PHF8: variants seen among roughly 807,000 people sequenced by gnomAD.
PHF8 encodes PHD finger protein 8.
A neutral mutation model predicts 74.4 loss-of-function variants in PHF8; 9 were observed. The ratio of observed to expected loss-of-function variants is 0.12; its 90% CI spans 0.07 to 0.21. The LOEUF is 0.21. Among genes scored for constraint, PHF8 ranks in the 10% least tolerant of loss-of-function variants. The pLI is 1.00. For missense variants in PHF8, 478 were observed against 816.6 expected (o/e 0.59, Z 5.05); for synonymous variants, 311 against 316.6 (o/e 0.98, Z 0.19).
chrX:53,971,754 C>G (rs1247985957), intron 18 of PHF8, among the ~76,000 whole-genome samples: 1 of 111,178 alleles, frequency 9.0e-6, no homozygotes, highest in Non-Finnish European at 1.9e-5. Context: ...AATTCTTGGA[C>G]ACATACACCC....
chrX:54,043,064 C>A, intron 1 of PHF8: 2 of 490,729 alleles, frequency 4.1e-6, no homozygotes, highest in Non-Finnish European at 5.7e-6. Flanking sequence ...CCACCTTCTT[C>A]GGCCCCGTTG....
intron 18 of PHF8, among the ~76,000 whole-genome samples, chrX:53,972,467 C>T (rs2065310081): frequency 9.0e-6 from 1 of 111,339 alleles, no homozygotes; most frequent in African/African-American, 3.3e-5. Flanking sequence ...AGGTTGGCTT[C>T]ATCCCTGGGA....
chrX:53,984,381 A>C (rs1344557213), intron 18 of PHF8, among the ~76,000 whole-genome samples: 5 of 111,903 alleles, frequency 4.5e-5, no homozygotes, highest in African/African-American at 1.6e-4. Context: ...AAACAAAACA[A>C]AACAAAACAA....
At chrX:53,960,237 G>A (rs911231012) in intron 19 of PHF8, among the ~76,000 whole-genome samples, 1 of 107,026 alleles carries the variant, frequency 9.3e-6, no homozygotes, top group African/African-American at 3.4e-5. Flanking sequence ...CACCACGCCC[G>A]GCTAAGTTTT....
At chrX:53,980,398 G>C (rs1047169492) in intron 18 of PHF8, among the ~76,000 whole-genome samples, 22 of 111,322 alleles carry the variant, frequency 2.0e-4, no homozygotes, top group Middle Eastern at 4.6e-3. Context: ...TATATGCACA[G>C]AAGTATGACC....
intron 18 of PHF8, among the ~76,000 whole-genome samples, chrX:53,967,578 G>GCC (rs1223271157): frequency 8.8e-6 from 1 of 113,814 alleles, no homozygotes; most frequent in Non-Finnish European, 1.9e-5. Context: ...GAAGTGAGGA[G>GCC]CCCCTCTGCC....
chrX:53,960,424 G>C (rs1274304120), intron 19 of PHF8, among the ~76,000 whole-genome samples: 5 of 109,190 alleles, frequency 4.6e-5, no homozygotes, highest in African/African-American at 1.7e-4. Flanking sequence ...TTGATCAAAA[G>C]CTCAAACAAA....
chrX:54,033,031 G>T (rs185270627), intron 2 of PHF8, among the ~76,000 whole-genome samples: 2 of 111,074 alleles, frequency 1.8e-5, no homozygotes, highest in African/African-American at 6.6e-5. Flanking sequence ...AAAGCAGACC[G>T]ACTAGAGACA....
chrX:53,999,342 A>C (rs2065795036), intron 11 of PHF8: 1 of 121,039 alleles, frequency 8.3e-6, no homozygotes, highest in African/African-American at 3.2e-5. Flanking sequence ...ATAATACAGT[A>C]TACAACACAA....
intron 2 of PHF8, among the ~76,000 whole-genome samples, chrX:54,026,333 G>A (rs868951405): frequency 9.2e-5 from 8 of 87,209 alleles, no homozygotes; most frequent in African/African-American, 3.2e-4. Context: ...TAGCCTGGGC[G>A]ACAAAGCAAG....
chrX:53,985,032 T>C lies in PHF8; in HGVS notation c.2325A>G (p.Pro775=). The C allele has an allele frequency of 8.3e-7, 1 of 1,209,767 alleles. No homozygotes were observed. The highest frequency in any genetic ancestry group is 1.1e-6 in the Non-Finnish European group (1 of 893,722). Residue 775 remains proline (P), a synonymous_variant, in exon 18 of 22, where the codon CCA becomes CCG. Coordinates refer to ENST00000338154, the MANE Select transcript of PHF8 (RefSeq NM_015107.3). Reference sequence around the variant, plus strand: ...CTGGCCGCTTGATGGGCCGCTTCCCTGGGGTGCGCTGGGAAGCAGGACTGT... The same window carrying C: ...CTGGCCGCTTGATGGGCCGCTTCCCCGGGGTGCGCTGGGAAGCAGGACTGT... ...VSNSPASQRT[P]GKRPIKRPAY...
chrX:54,040,866 C>T (rs1302275249), intron 2 of PHF8, among the ~76,000 whole-genome samples: 5 of 112,260 alleles, frequency 4.5e-5, no homozygotes, highest in Non-Finnish European at 7.5e-5. Context: ...ACATCTTAAT[C>T]CCCACTTATT....
In PHF8 at chrX:53,937,345, T is replaced by A. The variant is rs781794076; in HGVS notation, c.*1813A>T. ...TTGAAAGATCAAGAAGGGGTGTTAA[T>A]GGACAAAAGGGCTGGGGACCTGATC... is the stretch of plus-strand genomic sequence containing the variant. On this transcript the variant is annotated 3_prime_UTR_variant, in exon 22 of 22. Coordinates refer to ENST00000338154, the MANE Select transcript of PHF8 (RefSeq NM_015107.3). 8.9e-6 allele frequency: 1 copy of A among 111,744 alleles called. No individual in the cohort carries two copies. Among genetic ancestry groups the A allele is most frequent in the Non-Finnish European group, 1.9e-5 (1 of 53,125 alleles). The allele number at this position is 111,744 out of a possible 1,213,427, so 9.2% of individuals were successfully genotyped here.
rs904451988 is a variant in PHF8 at position 53,937,190 on chromosome X, C to G, written c.*1968G>C. On this transcript the variant is annotated 3_prime_UTR_variant, in exon 22 of 22. Coordinates refer to ENST00000338154, the MANE Select transcript of PHF8 (RefSeq NM_015107.3). ...AACACAAAACAACAAACAGGGGGCT[C>G]TAAGAACCCAACTAAGCTAAATGAA... is the stretch of plus-strand genomic sequence containing the variant. 1 of 111,363 alleles carries G rather than the reference C, an allele frequency of 9.0e-6. No individual in the cohort carries two copies. Among genetic ancestry groups the G allele is most frequent in the South Asian group, 3.9e-4 (1 of 2,583 alleles). The allele number at this position is 111,363 out of a possible 1,213,427, so 9.2% of individuals were successfully genotyped here. A position where few individuals can be genotyped will look rare whatever the true frequency, so the allele number is the denominator to read the frequency against.
intron 2 of PHF8, among the ~76,000 whole-genome samples, chrX:54,031,584 C>CAA (rs1171361850): frequency 9.5e-5 from 9 of 94,490 alleles, no homozygotes; most frequent in Non-Finnish European, 8.6e-5. Flanking sequence ...GTTCTATCTC[C>CAA]AAAAAAAAAA....
At chrX:53,959,184 GA>G (rs1302581370) in intron 19 of PHF8, among the ~76,000 whole-genome samples, 1 of 111,583 alleles carries the variant, frequency 9.0e-6, no homozygotes, top group Non-Finnish European at 1.9e-5. Context: ...AGTCAATGTA[GA>G]GTAGTAACAA....
At chrX:54,039,002 C>T (rs868968159) in intron 2 of PHF8, among the ~76,000 whole-genome samples, 10 of 109,210 alleles carry the variant, frequency 9.2e-5, no homozygotes, top group Middle Eastern at 4.6e-3. Flanking sequence ...GGTGTGGTGG[C>T]GCGCACCTGT....
At position 54,006,707 on chromosome X, in the gene PHF8, A is replaced by G. The variant is rs181007868; in HGVS notation, c.947-4025T>C. On this transcript the variant is annotated intron_variant, in intron 8 of 21. Coordinates refer to ENST00000338154, the MANE Select transcript of PHF8 (RefSeq NM_015107.3). The stretch of plus-strand genomic sequence containing the variant: ...TCCCAGCACTTTGGGAGGCCAAGGC[A>G]GGTGGATCACCTGAGGTCTAGAGTT... Among the ~76,000 whole-genome samples the G allele has an allele frequency of 3.1e-3, 347 of 111,278 alleles. 2 individuals are homozygous for G. The highest frequency in any genetic ancestry group is 4.7e-3 in the Middle Eastern group (1 of 215).
intron 11 of PHF8, among the ~76,000 whole-genome samples, chrX:53,996,975 T>A (rs782121535): frequency 8.9e-6 from 1 of 112,690 alleles, no homozygotes; most frequent in East Asian, 2.8e-4. Context: ...AAAGCAAAAC[T>A]TTTTTGAAAA....
Sources: allele counts gnomAD v4.1 joint callset (sites outside exome capture counted in the v4.1 genomes callset), GRCh38; gene constraint gnomAD v4.1.1; transcripts MANE v1.5; gene names NCBI Gene and HGNC (gene_info 2026-07-23, HGNC 2026-07-21).